Variants in HMGN3 observed in about 807,000 individuals in gnomAD.
HMGN3 encodes the protein high mobility group nucleosomal binding domain 3.
A neutral mutation model predicts 18.8 loss-of-function variants in HMGN3; 6 were observed. That is an observed-to-expected ratio of 0.32 (90% CI 0.18 to 0.63). The LOEUF (loss-of-function observed/expected upper bound fraction) is 0.63, where lower values mean the gene tolerates loss of function less well. HMGN3 is among the 30% of genes least tolerant of loss of function. The probability of loss-of-function intolerance (pLI) is 0.79; values close to 1 mark genes in which losing one functional copy is unlikely to be tolerated. For missense variants in HMGN3, 107 were observed against 114.2 expected, an observed-to-expected ratio of 0.94 and a Z score of 0.29; for synonymous variants, 40 against 36.5, an observed-to-expected ratio of 1.10 and a Z score of -0.35.
At chr6:79,226,354 T>C (rs144573582) in intron 1 of HMGN3, among the ~76,000 whole-genome samples, 1,633 of 152,320 alleles carry the variant, frequency 0.011, 12 homozygotes, top group Middle Eastern at 0.034. Context: ...TTTTCTCATA[T>C]GTAAAATGAG....
At chr6:79,206,832 G>T (rs1305764036) in intron 3 of HMGN3, among the ~76,000 whole-genome samples, 1 of 152,226 alleles carries the variant, frequency 6.6e-6, no homozygotes, top group African/African-American at 2.4e-5. Flanking sequence ...GCTGTATCCT[G>T]AAAAGCCACA....
Position 79,203,688 on chromosome 6 carries a change from A to G in HMGN3, c.97-58T>C, listed in dbSNP as rs1002982622. On this transcript the variant is annotated intron_variant, in intron 3 of 5. Coordinates refer to ENST00000344726, the Ensembl canonical transcript of HMGN3. ...AAAAAAAAAAAAAACTATCAGCACC[A>G]AAAGAAACACAAAAGGACTAACAAA... 1.1e-5 allele frequency: 14 copies of G among 1,302,010 alleles called. No individual in the cohort carries two copies. In the African/African-American group the frequency reaches 1.5e-4, roughly 14 times the overall value. The allele number at this position is 1,302,010 out of a possible 1,614,324, so 80.7% of individuals were successfully genotyped here. A position where few individuals can be genotyped will look rare whatever the true frequency, so the allele number is the denominator to read the frequency against.
In HMGN3 at chr6:79,203,566, A is replaced by G; in HGVS notation, c.147+14T>C. ...TTGTTTAAAAAGCCAAAAGTGGGAA[A>G]CAGCACTTCTTACCTTAGCAGATGT... On this transcript the variant is annotated intron_variant, in intron 4 of 5. Transcript: ENST00000344726. 6.2e-7 allele frequency: 1 copy of G among 1,609,652 alleles called. No individual in the cohort carries two copies. The highest frequency in any genetic ancestry group is 1.7e-4 in the Middle Eastern group (1 of 6,050).
intron 1 of HMGN3, among the ~76,000 whole-genome samples, chr6:79,219,057 G>A (rs1582427601): frequency 6.6e-6 from 1 of 152,110 alleles, no homozygotes; most frequent in African/African-American, 2.4e-5. Context: ...CAGTAGGAAG[G>A]CAAAGACATA....
At chr6:79,232,601 GTT>G (rs34937485) in intron 1 of HMGN3, among the ~76,000 whole-genome samples, 8 of 143,864 alleles carry the variant, frequency 5.6e-5, no homozygotes, top group African/African-American at 1.8e-4. Flanking sequence ...TGTTATTTTA[GTT>G]TTTTTTTTTT....
At chr6:79,215,781 CAT>C (rs924112153) in intron 1 of HMGN3, among the ~76,000 whole-genome samples, 3 of 152,174 alleles carry the variant, frequency 2.0e-5, no homozygotes, top group Non-Finnish European at 4.4e-5. Flanking sequence ...GGACACTGCA[CAT>C]GTCCCAATAT....
intron 2 of HMGN3, among the ~76,000 whole-genome samples, chr6:79,211,562 CT>C (rs1290614044): frequency 6.7e-6 from 1 of 149,604 alleles, no homozygotes; most frequent in Non-Finnish European, 1.5e-5. Flanking sequence ...CCCTTCCTTG[CT>C]TTGTTTTCCT....
intron 1 of HMGN3, among the ~76,000 whole-genome samples, chr6:79,231,263 T>C (rs977439025): frequency 1.3e-5 from 2 of 152,190 alleles, no homozygotes; most frequent in African/African-American, 2.4e-5. Context: ...TCGTAGAACA[T>C]CAAATCATCA....
At chr6:79,233,658 T>C (rs1021251436) in intron 1 of HMGN3, 1 of 152,174 alleles carries the variant, frequency 6.6e-6, no homozygotes, top group African/African-American at 2.4e-5. Context: ...CGAGGGAGAT[T>C]TGTGTCCCTG....
chr6:79,211,877 G>A (rs1419730516), intron 2 of HMGN3, among the ~76,000 whole-genome samples: 4 of 152,070 alleles, frequency 2.6e-5, no homozygotes, highest in Admixed American at 2.6e-4. Context: ...AGTACACAGG[G>A]ATAGCTAGAT....
At chr6:79,208,765 A>G (rs368439272) in intron 2 of HMGN3, among the ~76,000 whole-genome samples, 189 bp from the exon 3 acceptor site, 9 of 152,302 alleles carry the variant, frequency 5.9e-5, no homozygotes, top group Admixed American at 2.0e-4. Context: ...CTCAAGAGGA[A>G]GTGTTTCTAA....
chr6:79,201,742 GA>G lies in HMGN3; in HGVS notation c.262-17del, dbSNP rs71547744. 158,297 of 1,573,474 alleles carry G rather than the reference GA, an allele frequency of 0.1. 8,452 individuals are homozygous for G. The highest frequency in any genetic ancestry group is 0.15 in the Middle Eastern group (884 of 5,894). Reference sequence around the variant, plus strand: ...TTTTCTGTGCCTGTGAAAAAGAAAGGAAAAAAAAACATATAGTTACTACTGA... The same window carrying G: ...TTTTCTGTGCCTGTGAAAAAGAAAGGAAAAAAAACATATAGTTACTACTGA... On this transcript the variant is annotated splice_polypyrimidine_tract_variant and intron_variant, in intron 5 of 5. Transcript: ENST00000344726.
At chr6:79,221,192 C>T (rs539978114) in intron 1 of HMGN3, among the ~76,000 whole-genome samples, 117 of 152,268 alleles carry the variant, frequency 7.7e-4, no homozygotes, top group African/African-American at 2.6e-3. Context: ...TCTATTTCTT[C>T]AATATCGTAT....
chr6:79,223,460 G>A (rs1582436918), intron 1 of HMGN3, among the ~76,000 whole-genome samples: 1 of 152,062 alleles, frequency 6.6e-6, no homozygotes, highest in Admixed American at 6.6e-5. Flanking sequence ...GCAGTGAGCC[G>A]AGATCGCGCC....
At chr6:79,209,385 G>A (rs1475538519) in intron 2 of HMGN3, among the ~76,000 whole-genome samples, 2 of 152,038 alleles carry the variant, frequency 1.3e-5, no homozygotes, top group South Asian at 2.1e-4. Flanking sequence ...TCCAACCTAC[G>A]GTGGCTCCCC....
intron 1 of HMGN3, among the ~76,000 whole-genome samples, chr6:79,231,411 TA>T (rs1777830110): frequency 6.6e-6 from 1 of 152,210 alleles, no homozygotes; most frequent in East Asian, 1.9e-4. Flanking sequence ...ATCCATTATC[TA>T]AAAAATACAG....
rs182681016 is a variant in HMGN3, at chr6:79,201,697, C to T, written c.291G>A (p.Glu97=). 83 of 1,595,584 alleles carry T rather than the reference C, an allele frequency of 5.2e-5. 1 individual carries two copies. The African/African-American group carries it at 8.7e-4, about 17-fold the overall frequency. ...AATTTTTCATGACAATTCATTCTCC[C>T]TCGTTATCTACAGATTCAGTTTTCT... The change falls in exon 6 of 6, where the codon GAG becomes GAA. Residue 97 remains glutamate, a synonymous_variant. Coordinates refer to ENST00000344726, the Ensembl canonical transcript of HMGN3.
chr6:79,217,659 C>G (rs568144464), intron 1 of HMGN3, among the ~76,000 whole-genome samples: 1 of 152,260 alleles, frequency 6.6e-6, no homozygotes, highest in South Asian at 2.1e-4. Context: ...AACAGGTAGA[C>G]TATTTTGGAA....
intron 1 of HMGN3, among the ~76,000 whole-genome samples, chr6:79,224,290 G>A (rs1454601487): frequency 1.3e-5 from 2 of 152,154 alleles, no homozygotes; most frequent in African/African-American, 2.4e-5. Flanking sequence ...TGTGTTAAGT[G>A]TTCTTAATTT....
Sources: allele counts gnomAD v4.1 joint callset (sites outside exome capture counted in the v4.1 genomes callset), GRCh38; gene constraint gnomAD v4.1.1; transcripts MANE v1.5; gene names NCBI Gene and HGNC (gene_info 2026-07-23, HGNC 2026-07-21).